ZNF462: variants seen among roughly 807,000 people sequenced by gnomAD.
ZNF462 encodes the protein zinc finger PBX1-interacting protein.
In ZNF462, 10 loss-of-function variants were observed where a neutral mutation model predicts 201.9. The observed-to-expected ratio is 0.05, with a 90% CI of 0.03 to 0.08. The LOEUF (loss-of-function observed/expected upper bound fraction) is 0.08, where lower values mean the gene tolerates loss of function less well. Among genes scored for constraint, ZNF462 ranks in the 10% least tolerant of loss-of-function variants. The pLI, the probability that ZNF462 is intolerant of heterozygous loss-of-function variation, is 1.00. For synonymous variants in ZNF462, 1,227 were observed against 1,193.3 expected (o/e 1.03, Z -0.58); for missense variants, 2,523 against 3,168.3 (o/e 0.80, Z 4.89).
At chr9:106,888,544 G>A (rs1432169500) in intron 1 of ZNF462, among the ~76,000 whole-genome samples, 1 of 152,038 alleles carries the variant, frequency 6.6e-6, no homozygotes, top group Non-Finnish European at 1.5e-5. Flanking sequence ...CAATTCAGTT[G>A]CATCCATTTG....
intron 1 of ZNF462, among the ~76,000 whole-genome samples, chr9:106,911,962 T>G (rs1156673979): frequency 2.0e-5 from 3 of 152,206 alleles, no homozygotes; most frequent in Non-Finnish European, 4.4e-5. Flanking sequence ...GTATATAATT[T>G]GAAGCGAAAT....
chr9:106,944,978 A>G (rs1279347838), intron 7 of ZNF462, among the ~76,000 whole-genome samples: 1 of 152,206 alleles, frequency 6.6e-6, no homozygotes, highest in African/African-American at 2.4e-5. Flanking sequence ...CTGTGTTCCA[A>G]TAAAACTTTA....
Position 106,913,165 on chromosome 9 carries a change from A to G in ZNF462, c.-30-10189A>G, listed in dbSNP as rs1168159169. Among the ~76,000 whole-genome samples, 1 of 152,332 alleles carries G rather than the reference A, an allele frequency of 6.6e-6. No individual in the cohort carries two copies. Among genetic ancestry groups the G allele is most frequent in the Admixed American group, 6.5e-5 (1 of 15,304 alleles). On this transcript the variant is annotated intron_variant, in intron 1 of 12. Coordinates refer to ENST00000277225, the MANE Select transcript of ZNF462 (RefSeq NM_021224.6). The surrounding 1 kb of genome is among the most constrained non-coding windows in gnomAD (Gnocchi z 4.1). ...GAGGATGGTCATTTACTTAAAACTC[A>G]TGGACAAGTGGAAACTTAGAATTGC... is the stretch of plus-strand genomic sequence containing the variant.
chr9:106,916,024 A>C (rs1352726432), intron 1 of ZNF462, among the ~76,000 whole-genome samples: 2 of 152,246 alleles, frequency 1.3e-5, no homozygotes, highest in African/African-American at 2.4e-5. Context: ...GAGCATACAA[A>C]AGTGAGCAAG....
intron 7 of ZNF462, among the ~76,000 whole-genome samples, chr9:106,951,224 A>C (rs1831330942): frequency 6.6e-6 from 1 of 152,210 alleles, no homozygotes; most frequent in South Asian, 2.1e-4. Context: ...ATAACTTAAC[A>C]AAAAGGTACA....
At position 106,932,418 on chromosome 9, in the gene ZNF462, A is replaced by T; in HGVS notation, c.6013-28A>T. The T allele has an allele frequency of 1.2e-6, 2 of 1,614,216 alleles. No homozygotes were observed. Among genetic ancestry groups the T allele is most frequent in the East Asian group, 4.5e-5 (2 of 44,884 alleles). ...GGCCGGGGGGATACCATTGCAGTCAATGTGACAGAGTCCTGATGTCCATGC... is the reference window on the plus strand; with the variant it reads ...GGCCGGGGGGATACCATTGCAGTCATTGTGACAGAGTCCTGATGTCCATGC... On this transcript the variant is annotated intron_variant, in intron 4 of 12. Transcript: ENST00000277225. The surrounding 1 kb of genome is among the most constrained non-coding windows in gnomAD (Gnocchi z 6.8).
chr9:107,004,048 T>C (rs1186767007), intron 11 of ZNF462, among the ~76,000 whole-genome samples: 1 of 152,230 alleles, frequency 6.6e-6, no homozygotes, highest in African/African-American at 2.4e-5. Flanking sequence ...TGTGAGTCTA[T>C]AATTATTTCA....
intron 1 of ZNF462, among the ~76,000 whole-genome samples, chr9:106,893,839 G>A (rs971881562): frequency 1.3e-5 from 2 of 152,172 alleles, no homozygotes; most frequent in African/African-American, 4.8e-5. Flanking sequence ...CTTGTACTAC[G>A]TGGTAGGTGT....
chr9:106,998,995 A>T (rs1828958691), intron 10 of ZNF462, among the ~76,000 whole-genome samples: 1 of 152,138 alleles, frequency 6.6e-6, no homozygotes, highest in Non-Finnish European at 1.5e-5. Context: ...ATGGGCATTC[A>T]CAGATAGCTT....
chr9:106,878,504 A>G (rs879171119), intron 1 of ZNF462, among the ~76,000 whole-genome samples: 1 of 152,250 alleles, frequency 6.6e-6, no homozygotes, highest in Non-Finnish European at 1.5e-5. Context: ...CTATTCATTC[A>G]TTGAACACTT....
chr9:106,915,242 G>A (rs1829724161), intron 1 of ZNF462, among the ~76,000 whole-genome samples: 1 of 150,328 alleles, frequency 6.7e-6, no homozygotes, highest in Admixed American at 6.6e-5. Flanking sequence ...GCTCAACAGT[G>A]GATATGCTGA....
chr9:106,891,472 G>A (rs756881309), intron 1 of ZNF462, among the ~76,000 whole-genome samples: 1 of 152,070 alleles, frequency 6.6e-6, no homozygotes, highest in African/African-American at 2.4e-5. Context: ...ATAGTAAGTG[G>A]CCAGAGGAGC....
chr9:106,963,123 G>A lies in ZNF462; in HGVS notation c.6428-8882G>A, dbSNP rs910366031. Among the ~76,000 whole-genome samples, 2 of 152,066 alleles carry A rather than the reference G, an allele frequency of 1.3e-5. No individual in the cohort carries two copies. Among genetic ancestry groups the A allele is most frequent in the African/African-American group, 4.8e-5 (2 of 41,420 alleles). On this transcript the variant is annotated intron_variant, in intron 7 of 12. Coordinates refer to ENST00000277225, the MANE Select transcript of ZNF462 (RefSeq NM_021224.6). The surrounding 1 kb of genome is among the most constrained non-coding windows in gnomAD (Gnocchi z 4.7). Reference sequence around the variant, plus strand: ...GCTCTTCAGAGGAAATACTTGGAAAGTTGCATTGGTGATTTGTGGTTTTTA... The same window carrying A: ...GCTCTTCAGAGGAAATACTTGGAAAATTGCATTGGTGATTTGTGGTTTTTA...
chr9:107,002,403 C>G (rs1829256050), intron 10 of ZNF462, among the ~76,000 whole-genome samples: 1 of 152,176 alleles, frequency 6.6e-6, no homozygotes, highest in Admixed American at 6.5e-5. Flanking sequence ...AGCCCTGCAC[C>G]AGCTTGTCAT....
upstream of ZNF462, among the ~76,000 whole-genome samples, chr9:106,862,420 T>G (rs1376495052): frequency 2.6e-5 from 4 of 152,048 alleles, no homozygotes; most frequent in African/African-American, 9.7e-5. The surrounding 1 kb of genome is among the most constrained non-coding windows in gnomAD (Gnocchi z 4.2). Flanking sequence ...GGGCCAGGGC[T>G]GCCGGGCGCC....
chr9:106,886,646 T>G lies in ZNF462; in HGVS notation c.-31+23291T>G, dbSNP rs1012596163. Among the ~76,000 whole-genome samples, 7 of 152,192 alleles carry G rather than the reference T, an allele frequency of 4.6e-5. No homozygotes were observed. The highest frequency in any genetic ancestry group is 1.2e-4 in the African/African-American group (5 of 41,448). Reference sequence around the variant, plus strand: ...CTAGGAAATCATCCCACTTAACCCCTTCATTTTACAGCTCTGGAAAGGCTG... The same window carrying G: ...CTAGGAAATCATCCCACTTAACCCCGTCATTTTACAGCTCTGGAAAGGCTG... On this transcript the variant is annotated intron_variant, in intron 1 of 12. Transcript: ENST00000277225. The surrounding 1 kb of genome is among the most constrained non-coding windows in gnomAD (Gnocchi z 4.6).
intron 1 of ZNF462, among the ~76,000 whole-genome samples, chr9:106,911,597 T>C (rs1829552330): frequency 6.6e-6 from 1 of 152,244 alleles, no homozygotes; most frequent in Non-Finnish European, 1.5e-5. Context: ...GTCCAGGGAT[T>C]AGACTTTGAG....
intron 10 of ZNF462, among the ~76,000 whole-genome samples, chr9:106,997,508 A>G (rs906968747): frequency 5.3e-5 from 8 of 152,168 alleles, no homozygotes; most frequent in Non-Finnish European, 1.2e-4. Flanking sequence ...TGGAAAACAG[A>G]CATTCTACCA....
rs1224307589 is a variant in ZNF462, at chr9:106,913,960, CT to C, written c.-30-9393del. Reference sequence around the variant, plus strand: ...CTCACAAAACTCACAGGATTATCAACTGTGCAAAGGTGGATACAAAGGCCGT... The same window carrying C: ...CTCACAAAACTCACAGGATTATCAACGTGCAAAGGTGGATACAAAGGCCGT... On this transcript the variant is annotated intron_variant, in intron 1 of 12. Coordinates refer to ENST00000277225, the MANE Select transcript of ZNF462 (RefSeq NM_021224.6). This position sits in a 1 kb window ranked among gnomAD's most constrained non-coding sequence, Gnocchi z 4.1. 6.7e-6 allele frequency among the ~76,000 whole-genome samples: 1 copy of C among 150,234 alleles called. No homozygotes were observed. Among genetic ancestry groups the C allele is most frequent in the Non-Finnish European group, 1.5e-5 (1 of 67,408 alleles).
Sources: gnomAD v4.1 joint callset for allele counts (sites outside exome capture counted in the v4.1 genomes callset) on GRCh38, gnomAD v4.1.1 for gene constraint, Gnocchi (gnomAD v3.1) non-coding constraint, MANE v1.5 for transcripts, NCBI Gene and HGNC (gene_info 2026-07-23, HGNC 2026-07-21) for gene names.